CAMK2D: variants seen among roughly 807,000 people sequenced by gnomAD.
CAMK2D encodes the protein calcium/calmodulin dependent protein kinase II delta.
In CAMK2D, 37 loss-of-function variants were observed where a neutral mutation model predicts 84.0. The ratio of observed to expected loss-of-function variants is 0.44; its 90% CI spans 0.34 to 0.58. The LOEUF (loss-of-function observed/expected upper bound fraction) is 0.58. CAMK2D is among the 20% of genes least tolerant of loss of function. CAMK2D has a pLI of 0.02. For synonymous variants in CAMK2D, 202 were observed against 212.5 expected (o/e 0.95, Z 0.43); for missense variants, 448 against 652.5 (o/e 0.69, Z 3.41).
chr4:113,480,710 G>A (rs777336487), intron 16 of CAMK2D, among the ~76,000 whole-genome samples: 2 of 152,084 alleles, frequency 1.3e-5, no homozygotes, highest in Admixed American at 6.5e-5. Context: ...GCACGGTGGC[G>A]GGTGCCTGTA....
chr4:113,716,937 A>C (rs933542416), intron 2 of CAMK2D, among the ~76,000 whole-genome samples: 2 of 152,216 alleles, frequency 1.3e-5, no homozygotes, highest in African/African-American at 4.8e-5. Flanking sequence ...AAATTGAACA[A>C]GTGAATAGTG....
chr4:113,614,387 C>T (rs952825393), intron 3 of CAMK2D, among the ~76,000 whole-genome samples: 2 of 152,018 alleles, frequency 1.3e-5, no homozygotes, highest in Non-Finnish European at 2.9e-5. Context: ...TGTGCAGTCC[C>T]CTCCCACATT....
At chr4:113,648,995 T>C (rs2099162402) in intron 3 of CAMK2D, among the ~76,000 whole-genome samples, 1 of 152,206 alleles carries the variant, frequency 6.6e-6, no homozygotes, top group South Asian at 2.1e-4. Context: ...TTGCCTATTG[T>C]CAGTTAAAGG....
chr4:113,682,502 G>A (rs936371469), intron 2 of CAMK2D, among the ~76,000 whole-genome samples: 1 of 150,904 alleles, frequency 6.6e-6, no homozygotes, highest in East Asian at 1.9e-4. Context: ...TTTTGGATTT[G>A]AATCTCTCAT....
chr4:113,720,975 TA>T (rs990155762), intron 2 of CAMK2D, among the ~76,000 whole-genome samples: 4 of 152,140 alleles, frequency 2.6e-5, no homozygotes, highest in African/African-American at 9.6e-5. Context: ...TGTTAAGATG[TA>T]ATTGGTTTAC....
intron 16 of CAMK2D, among the ~76,000 whole-genome samples, chr4:113,490,094 C>G (rs1291454209): frequency 1.3e-5 from 2 of 149,942 alleles, no homozygotes; most frequent in African/African-American, 2.5e-5. Flanking sequence ...TTGTAGGTTG[C>G]CTGTTCACTC....
At chr4:113,679,003 A>C (rs1169864633) in intron 2 of CAMK2D, among the ~76,000 whole-genome samples, 1 of 152,132 alleles carries the variant, frequency 6.6e-6, no homozygotes, top group Non-Finnish European at 1.5e-5. Flanking sequence ...TCTGATTTCT[A>C]ATAGCAGAAA....
chr4:113,745,692 G>C (rs10488963), intron 2 of CAMK2D, among the ~76,000 whole-genome samples: 2,993 of 152,234 alleles, frequency 0.02, 129 homozygotes, highest in East Asian at 0.18. Context: ...CAGAAAATAA[G>C]TGATGTAGCG....
intron 6 of CAMK2D, among the ~76,000 whole-genome samples, chr4:113,543,073 G>C (rs1225721236): frequency 2.6e-5 from 4 of 152,146 alleles, no homozygotes; most frequent in African/African-American, 9.7e-5. Context: ...TAACCATTTC[G>C]GGTACATTTG....
At chr4:113,742,463 G>A (rs554916350) in intron 2 of CAMK2D, among the ~76,000 whole-genome samples, 51 of 151,442 alleles carry the variant, frequency 3.4e-4, no homozygotes, top group Non-Finnish European at 6.2e-4. Context: ...AATGGGAGAA[G>A]AAATGGGCAA....
At chr4:113,618,610 T>A (rs942616487) in intron 3 of CAMK2D, among the ~76,000 whole-genome samples, 2 of 152,230 alleles carry the variant, frequency 1.3e-5, no homozygotes, top group African/African-American at 4.8e-5. Flanking sequence ...TGTAGACATA[T>A]TGTACTATAA....
intron 3 of CAMK2D, among the ~76,000 whole-genome samples, chr4:113,626,913 A>G (rs1476295101): frequency 1.3e-5 from 2 of 152,218 alleles, no homozygotes; most frequent in Admixed American, 1.3e-4. Flanking sequence ...TCAGGCTCAT[A>G]TAATCCAGAG....
At chr4:113,707,833 T>G (rs937600959) in intron 2 of CAMK2D, among the ~76,000 whole-genome samples, 1 of 152,140 alleles carries the variant, frequency 6.6e-6, no homozygotes, top group Non-Finnish European at 1.5e-5. Flanking sequence ...AGAAGGAGAC[T>G]GTAACAGTAT....
chr4:113,476,161 T>G (rs1192164987), intron 16 of CAMK2D, among the ~76,000 whole-genome samples: 1 of 152,168 alleles, frequency 6.6e-6, no homozygotes, highest in African/African-American at 2.4e-5. Context: ...AGGCCAGGGC[T>G]CAACGTAATA....
rs1438101380 is a variant in CAMK2D, at chr4:113,619,009, T to C, written c.221-9803A>G. Among the ~76,000 whole-genome samples, 10 of 152,172 alleles carry C rather than the reference T, an allele frequency of 6.6e-5. 1 individual carries two copies. The highest frequency in any genetic ancestry group is 6.2e-4 in the South Asian group (3 of 4,834). On this transcript the variant is annotated intron_variant, in intron 3 of 20. Coordinates refer to ENST00000511664, the MANE Select transcript of CAMK2D (RefSeq NM_001321571.2). ...ATGAATGTCAGACATCTCAAACGTG[T>C]GGTGCATTTGCTTGTTTCACTTATC...
intron 2 of CAMK2D, among the ~76,000 whole-genome samples, chr4:113,742,276 A>G (rs1176614628): frequency 2.0e-5 from 3 of 152,206 alleles, no homozygotes; most frequent in Non-Finnish European, 2.9e-5. Flanking sequence ...GTTTCAGCAT[A>G]AAAAATATCA....
chr4:113,678,371 A>G (rs1214043522), intron 2 of CAMK2D, among the ~76,000 whole-genome samples: 1 of 152,182 alleles, frequency 6.6e-6, no homozygotes, highest in African/African-American at 2.4e-5. Context: ...GCAAGACTTC[A>G]AAGCCTTTTA....
At chr4:113,703,424 C>G (rs2099428958) in intron 2 of CAMK2D, among the ~76,000 whole-genome samples, 1 of 152,160 alleles carries the variant, frequency 6.6e-6, no homozygotes, top group Non-Finnish European at 1.5e-5. Context: ...GGCCCAAACT[C>G]AAACAATTTT....
chr4:113,463,402 GT>G (rs1325022179), intron 17 of CAMK2D, among the ~76,000 whole-genome samples: 1 of 152,032 alleles, frequency 6.6e-6, no homozygotes, highest in African/African-American at 2.4e-5. Flanking sequence ...TTGAGAAAGA[GT>G]TTCACTCTTG....
Sources: gnomAD v4.1 joint callset for allele counts (sites outside exome capture counted in the v4.1 genomes callset) on GRCh38, gnomAD v4.1.1 for gene constraint, MANE v1.5 for transcripts, NCBI Gene and HGNC (gene_info 2026-07-23, HGNC 2026-07-21) for gene names.